Variants in ANO10 observed in about 807,000 individuals in gnomAD.
ANO10 encodes the protein anoctamin-10.
In ANO10, 77 loss-of-function variants were observed where a neutral mutation model predicts 74.7. The ratio of observed to expected loss-of-function variants is 1.03; its 90% CI spans 0.86 to 1.25. The LOEUF (loss-of-function observed/expected upper bound fraction) is 1.25, where lower values mean the gene tolerates loss of function less well. Ranked by LOEUF, ANO10 falls within the 50% of genes most tolerant of loss-of-function variation. ANO10 has a pLI of 0.00. For synonymous variants in ANO10, 279 were observed against 284.9 expected (o/e 0.98, Z 0.21); for missense variants, 721 against 778.1 (o/e 0.93, Z 0.87).
At chr3:43,452,700 T>C (rs1183055723) in intron 11 of ANO10, among the ~76,000 whole-genome samples, 2 of 152,152 alleles carry the variant, frequency 1.3e-5, no homozygotes, top group African/African-American at 4.8e-5. Flanking sequence ...TACCTAGGAG[T>C]GGAACTGCTG....
At chr3:43,574,563 GT>G (rs770219581) in intron 7 of ANO10, among the ~76,000 whole-genome samples, 1 of 152,200 alleles carries the variant, frequency 6.6e-6, no homozygotes, top group East Asian at 1.9e-4. Context: ...ACCTGGCCTA[GT>G]TTTTAAATAA....
intron 1 of ANO10, among the ~76,000 whole-genome samples, chr3:43,685,073 A>G (rs2084258019): frequency 6.6e-6 from 1 of 152,222 alleles, no homozygotes; most frequent in African/African-American, 2.4e-5. Context: ...CTAAAACTTA[A>G]AGTATAATAA....
chr3:43,652,729 GA>G (rs1159875504), intron 1 of ANO10, among the ~76,000 whole-genome samples: 1 of 151,742 alleles, frequency 6.6e-6, no homozygotes, highest in Non-Finnish European at 1.5e-5. Flanking sequence ...ACATAACTTA[GA>G]ATCAAATAAG....
At chr3:43,516,637 G>A (rs2077724442) in intron 11 of ANO10, among the ~76,000 whole-genome samples, 1 of 152,152 alleles carries the variant, frequency 6.6e-6, no homozygotes, top group Non-Finnish European at 1.5e-5. Context: ...ATAGTAGTGA[G>A]GTGCTTACTG....
intron 11 of ANO10, among the ~76,000 whole-genome samples, chr3:43,539,470 G>A (rs1375377613): frequency 2.6e-5 from 4 of 152,194 alleles, no homozygotes; most frequent in Non-Finnish European, 5.9e-5. Context: ...TAACTGTCAT[G>A]CAAGAATGAG....
intron 11 of ANO10, among the ~76,000 whole-genome samples, chr3:43,459,175 T>G (rs72863702): frequency 2.0e-5 from 3 of 152,116 alleles, no homozygotes; most frequent in Admixed American, 2.0e-4. Flanking sequence ...CCTGACTCAC[T>G]TTCTGTCCAA....
intron 11 of ANO10, among the ~76,000 whole-genome samples, chr3:43,537,807 A>T (rs879589738): frequency 7.2e-5 from 11 of 152,210 alleles, no homozygotes; most frequent in Non-Finnish European, 1.6e-4. Flanking sequence ...ATTAGTTAGG[A>T]GGAAATTATA....
chr3:43,392,209 A>G (rs1290454161), intron 12 of ANO10, among the ~76,000 whole-genome samples: 1 of 152,186 alleles, frequency 6.6e-6, no homozygotes, highest in Non-Finnish European at 1.5e-5. Flanking sequence ...ATAGTTTTTA[A>G]AAAGTCAAAT....
At chr3:43,488,410 A>C (rs1429183511) in intron 11 of ANO10, among the ~76,000 whole-genome samples, 2 of 149,314 alleles carry the variant, frequency 1.3e-5, no homozygotes, top group Non-Finnish European at 3.0e-5. Context: ...AAATTTTCGC[A>C]ACCTACTCAT....
intron 1 of ANO10, among the ~76,000 whole-genome samples, chr3:43,640,851 T>C (rs1002768182): frequency 1.3e-5 from 2 of 152,338 alleles, no homozygotes; most frequent in African/African-American, 4.8e-5. Flanking sequence ...TCATGGTTGA[T>C]TGTCTAATTC....
intron 1 of ANO10, among the ~76,000 whole-genome samples, chr3:43,634,871 G>A (rs1330911826): frequency 6.6e-6 from 1 of 152,156 alleles, no homozygotes; most frequent in Non-Finnish European, 1.5e-5. Flanking sequence ...TGGCAGATGT[G>A]GTATGTGAGC....
chr3:43,535,877 T>C (rs966282510), intron 11 of ANO10, among the ~76,000 whole-genome samples: 1 of 152,198 alleles, frequency 6.6e-6, no homozygotes, highest in Admixed American at 6.5e-5. Flanking sequence ...TTAAAGATTA[T>C]AAAACTCTCC....
At chr3:43,517,414 A>G (rs1575321789) in intron 11 of ANO10, among the ~76,000 whole-genome samples, 1 of 152,088 alleles carries the variant, frequency 6.6e-6, no homozygotes, top group Non-Finnish European at 1.5e-5. Flanking sequence ...CAACAAATTC[A>G]TGTTAAAGCT....
chr3:43,633,906 A>C lies in ANO10; in HGVS notation c.-11-28043T>G, dbSNP rs976962525. On this transcript the variant is annotated intron_variant, in intron 1 of 3. Coordinates refer to the ANO10 transcript ENST00000413397. ...TTTGCATCGTAGCTAAAAAAAAAAA[A>C]ACTCAGACTTTTAACCCTGGTCTTT... 3.3e-5 allele frequency among the ~76,000 whole-genome samples: 5 copies of C among 151,960 alleles called. No homozygotes were observed. In the East Asian group the frequency reaches 9.7e-4, roughly 29 times the overall value.
intron 1 of ANO10, among the ~76,000 whole-genome samples, chr3:43,674,428 GCACCCATCAC>G (rs2084097177): frequency 6.6e-6 from 1 of 152,118 alleles, no homozygotes; most frequent in South Asian, 2.1e-4. Flanking sequence ...GAGATTACAG[GCACCCATCAC>G]CATGCCTGGC....
intron 4 of ANO10, among the ~76,000 whole-genome samples, chr3:43,597,742 C>G (rs1312005896): frequency 6.6e-6 from 1 of 151,570 alleles, no homozygotes; most frequent in Non-Finnish European, 1.5e-5. Flanking sequence ...GCACATGTAC[C>G]CTAGAACTTA....
At chr3:43,572,238 C>A (rs1398526647) in intron 7 of ANO10, among the ~76,000 whole-genome samples, 2 of 152,140 alleles carry the variant, frequency 1.3e-5, no homozygotes, top group African/African-American at 4.8e-5. Context: ...CAATCAGGAC[C>A]CCCCCACCAA....
At chr3:43,582,590 CA>C (rs1435790902) in intron 4 of ANO10, among the ~76,000 whole-genome samples, 1 of 152,060 alleles carries the variant, frequency 6.6e-6, no homozygotes, top group African/African-American at 2.4e-5. Flanking sequence ...AAAAGATAAT[CA>C]AGAGATATCT....
chr3:43,534,024 A>G (rs2078588341), intron 11 of ANO10, among the ~76,000 whole-genome samples: 1 of 152,204 alleles, frequency 6.6e-6, no homozygotes, highest in Admixed American at 6.5e-5. Context: ...TAAGAAACCA[A>G]TCACACTGGC....
Sources: gnomAD v4.1 joint callset for allele counts (sites outside exome capture counted in the v4.1 genomes callset) on GRCh38, gnomAD v4.1.1 for gene constraint, MANE v1.5 for transcripts, NCBI Gene and HGNC (gene_info 2026-07-23, HGNC 2026-07-21) for gene names.